The following RBMS3 variants were observed in gnomAD, a reference collection of about 807,000 sequenced individuals.
The protein encoded by RBMS3 is RNA binding motif single stranded interacting protein 3.
Under a neutral mutation model 66.8 loss-of-function variants are expected in RBMS3, and 27 were observed. The ratio of observed to expected loss-of-function variants is 0.40; its 90% CI spans 0.30 to 0.56. The LOEUF (loss-of-function observed/expected upper bound fraction) is 0.56, where lower values mean the gene tolerates loss of function less well. Ranked by LOEUF, RBMS3 falls within the 20% of genes least tolerant of loss-of-function variation. RBMS3 has a pLI of 0.40. For synonymous variants in RBMS3, 188 were observed against 183.0 expected (o/e 1.03, Z -0.22); for missense variants, 513 against 549.5 (o/e 0.93, Z 0.66).
intron 2 of RBMS3, among the ~76,000 whole-genome samples, chr3:29,455,077 A>T (rs974344559): frequency 7.9e-5 from 12 of 152,138 alleles, no homozygotes; most frequent in Admixed American, 5.9e-4. Context: ...ACACTCACTC[A>T]TACCTAAGAA....
chr3:29,293,113 G>A (rs904789277), intron 1 of RBMS3, among the ~76,000 whole-genome samples: 5 of 151,840 alleles, frequency 3.3e-5, no homozygotes, highest in African/African-American at 1.2e-4. Flanking sequence ...GGGAGAACCT[G>A]TATAAAAGCC....
At chr3:29,282,232 A>C (rs560226734) in intron 1 of RBMS3, among the ~76,000 whole-genome samples, 49 of 152,190 alleles carry the variant, frequency 3.2e-4, no homozygotes, top group African/African-American at 1.2e-3. Context: ...AGAATGAAAG[A>C]AGGGTGTGAG....
intron 1 of RBMS3, among the ~76,000 whole-genome samples, chr3:29,295,375 A>G (rs1284915998): frequency 6.8e-6 from 1 of 147,114 alleles, no homozygotes; most frequent in Admixed American, 6.9e-5. Context: ...ATATATATAT[A>G]TACACATATA....
chr3:29,651,074 A>C (rs1403477868), intron 4 of RBMS3, among the ~76,000 whole-genome samples: 1 of 152,172 alleles, frequency 6.6e-6, no homozygotes, highest in Non-Finnish European at 1.5e-5. Context: ...TTATCAAACC[A>C]ATAGGCCATC....
intron 1 of RBMS3, among the ~76,000 whole-genome samples, chr3:29,352,644 AC>A (rs2036982903): frequency 6.6e-6 from 1 of 152,114 alleles, no homozygotes; most frequent in African/African-American, 2.4e-5. Context: ...TTGTTGTTAA[AC>A]ATAGTCACTC....
intron 2 of RBMS3, among the ~76,000 whole-genome samples, chr3:29,460,669 A>C (rs753544842): frequency 6.6e-6 from 1 of 152,238 alleles, no homozygotes; most frequent in Non-Finnish European, 1.5e-5. Flanking sequence ...ATTAATGCTT[A>C]GTAAGTGTAT....
chr3:29,400,416 G>T (rs948385515), intron 1 of RBMS3, among the ~76,000 whole-genome samples: 1 of 152,024 alleles, frequency 6.6e-6, no homozygotes, highest in Non-Finnish European at 1.5e-5. Flanking sequence ...GTTACCAGAG[G>T]CTGGAAGGAG....
intron 5 of RBMS3, among the ~76,000 whole-genome samples, chr3:29,756,652 G>A (rs900649428): frequency 1.3e-5 from 2 of 152,048 alleles, no homozygotes; most frequent in South Asian, 2.1e-4. Context: ...AATTCAAGAT[G>A]AGATTTGGTT....
At chr3:29,731,038 G>C in intron 4 of RBMS3, 1 of 985,148 alleles carries the variant, frequency 1.0e-6, no homozygotes. Context: ...ATAAAGGCTG[G>C]AGATCCTCAT....
intron 7 of RBMS3, among the ~76,000 whole-genome samples, chr3:29,883,000 G>A (rs963163030): frequency 2.0e-5 from 3 of 151,662 alleles, no homozygotes; most frequent in Admixed American, 2.0e-4. Flanking sequence ...AGTAATTATA[G>A]TACACTATCA....
At chr3:29,382,736 C>G (rs112804694) in intron 1 of RBMS3, among the ~76,000 whole-genome samples, 6 of 152,060 alleles carry the variant, frequency 3.9e-5, no homozygotes, top group Non-Finnish European at 7.4e-5. Context: ...TTTTATTTTT[C>G]GTTTATATCC....
intron 4 of RBMS3, among the ~76,000 whole-genome samples, chr3:29,600,718 T>A (rs2048114133): frequency 6.6e-6 from 1 of 152,076 alleles, no homozygotes; most frequent in African/African-American, 2.4e-5. Flanking sequence ...TTGAAAATTA[T>A]GGCAAAGCCA....
chr3:29,459,443 T>C (rs1575876867), intron 2 of RBMS3, among the ~76,000 whole-genome samples: 1 of 152,190 alleles, frequency 6.6e-6, no homozygotes, highest in Admixed American at 6.5e-5. Context: ...ATATAAAGAA[T>C]GGCATTATTT....
intron 4 of RBMS3, among the ~76,000 whole-genome samples, chr3:29,604,877 A>G (rs2048268781): frequency 6.6e-6 from 1 of 151,902 alleles, no homozygotes; most frequent in Non-Finnish European, 1.5e-5. Flanking sequence ...GTCTACCAGC[A>G]TATCTTTTTA....
intron 1 of RBMS3, among the ~76,000 whole-genome samples, chr3:29,315,693 C>T (rs2034631299): frequency 6.6e-6 from 1 of 151,676 alleles, no homozygotes; most frequent in Non-Finnish European, 1.5e-5. Flanking sequence ...AAGATTGTTT[C>T]CAATTTTGAT....
At chr3:29,286,451 A>C (rs1369134745) in intron 1 of RBMS3, among the ~76,000 whole-genome samples, 1 of 152,132 alleles carries the variant, frequency 6.6e-6, no homozygotes, top group African/African-American at 2.4e-5. Flanking sequence ...TAAAAAGTTC[A>C]TGGTATTTTC....
intron 6 of RBMS3, among the ~76,000 whole-genome samples, chr3:29,816,370 A>G (rs75369736): frequency 6.6e-6 from 1 of 151,262 alleles, no homozygotes; most frequent in East Asian, 1.9e-4. Context: ...ACAGACCTCC[A>G]TCATATGACC....
intron 4 of RBMS3, among the ~76,000 whole-genome samples, chr3:29,648,636 A>G (rs561588373): frequency 6.6e-6 from 1 of 152,268 alleles, no homozygotes; most frequent in East Asian, 1.9e-4. Context: ...CTTAAAGGAA[A>G]GCAAGGAGAT....
intron 4 of RBMS3, among the ~76,000 whole-genome samples, chr3:29,715,896 C>T (rs2053372757): frequency 6.6e-6 from 1 of 152,094 alleles, no homozygotes; most frequent in Admixed American, 6.6e-5. Flanking sequence ...CTGCACAAAT[C>T]CTAAATGGGT....
Sources: allele counts gnomAD v4.1 joint callset (sites outside exome capture counted in the v4.1 genomes callset), GRCh38; gene constraint gnomAD v4.1.1; transcripts MANE v1.5; gene names NCBI Gene and HGNC (gene_info 2026-07-23, HGNC 2026-07-21).